ASTN2: variants seen among roughly 807,000 people sequenced by gnomAD.
ASTN2 encodes astrotactin-2.
A neutral mutation model predicts 139.8 loss-of-function variants in ASTN2; 54 were observed. The ratio of observed to expected loss-of-function variants is 0.39; its 90% CI spans 0.31 to 0.48. The LOEUF (loss-of-function observed/expected upper bound fraction) is 0.48, where lower values mean the gene tolerates loss of function less well. Ranked by LOEUF, ASTN2 falls within the 20% of genes least tolerant of loss-of-function variation. The pLI, the probability that ASTN2 is intolerant of heterozygous loss-of-function variation, is 0.95. For missense variants in ASTN2, 1,565 were observed against 1,725.1 expected, an observed-to-expected ratio of 0.91 and a Z score of 1.64; for synonymous variants, 756 against 719.5, an observed-to-expected ratio of 1.05 and a Z score of -0.81.
chr9:117,109,361 T>G (rs912768760), intron 4 of ASTN2, among the ~76,000 whole-genome samples: 4 of 134,750 alleles, frequency 3.0e-5, no homozygotes, highest in Admixed American at 2.8e-4. Context: ...TAAATAAAAA[T>G]AAATAAATAA....
chr9:117,392,566 G>A (rs540188751), intron 1 of ASTN2, among the ~76,000 whole-genome samples: 1 of 152,266 alleles, frequency 6.6e-6, no homozygotes, highest in African/African-American at 2.4e-5. Flanking sequence ...ACCTAATTGG[G>A]CATAGGCCTT....
At chr9:117,307,421 G>A (rs980894789) in intron 1 of ASTN2, among the ~76,000 whole-genome samples, 1 of 152,190 alleles carries the variant, frequency 6.6e-6, no homozygotes, top group Non-Finnish European at 1.5e-5. Flanking sequence ...GAGTATTTCT[G>A]TATGTGTGCA....
At chr9:117,136,823 A>G (rs974091776) in intron 4 of ASTN2, among the ~76,000 whole-genome samples, 1 of 152,200 alleles carries the variant, frequency 6.6e-6, no homozygotes, top group Non-Finnish European at 1.5e-5. Context: ...TGGGACAGGC[A>G]CTGGGCTAAG....
intron 19 of ASTN2, among the ~76,000 whole-genome samples, chr9:116,497,334 A>T (rs1461029552): frequency 6.6e-6 from 1 of 152,162 alleles, no homozygotes; most frequent in Non-Finnish European, 1.5e-5. Flanking sequence ...TGTTAGCCTC[A>T]CTGTTCAAAG....
chr9:117,003,953 C>CGCGCGTGTGTGTGTGTGTGTGT (rs1218309835), intron 7 of ASTN2, among the ~76,000 whole-genome samples: 6 of 146,226 alleles, frequency 4.1e-5, no homozygotes, highest in African/African-American at 1.6e-4. Flanking sequence ...CGCGCGCGCG[C>CGCGCGTGTGTGTGTGTGTGTGT]GTGTGTGTGT....
chr9:117,375,778 G>T (rs557299476), intron 1 of ASTN2, among the ~76,000 whole-genome samples: 2 of 152,256 alleles, frequency 1.3e-5, no homozygotes, highest in African/African-American at 4.8e-5. Flanking sequence ...TTGCAGGTCG[G>T]AAGTCCAAAG....
chr9:117,001,185 A>T (rs1837180912), intron 7 of ASTN2, among the ~76,000 whole-genome samples: 1 of 152,304 alleles, frequency 6.6e-6, no homozygotes, highest in Middle Eastern at 3.4e-3. Context: ...CACATCCAGA[A>T]AAGCTTTAAG....
intron 2 of ASTN2, among the ~76,000 whole-genome samples, chr9:117,237,399 T>C (rs549761820): frequency 6.6e-6 from 1 of 152,296 alleles, no homozygotes; most frequent in Admixed American, 6.5e-5. Flanking sequence ...CAGTTAGTAC[T>C]GTTCCAGGAC....
rs199889979 is a variant in ASTN2, at chr9:117,114,178, T to TAAAAA, written c.1169-18032_1169-18028dup. The stretch of plus-strand genomic sequence containing the variant: ...AATGAACATTAGTCTTTTTTTTTTT[T>TAAAAA]AAAAAAAAAGTCTATGGGATTTATC... On this transcript the variant is annotated intron_variant, in intron 4 of 22. Transcript: ENST00000313400. Among the ~76,000 whole-genome samples, 718 of 149,844 alleles carry TAAAAA rather than the reference T, an allele frequency of 4.8e-3. 1 individual carries two copies. The highest frequency in any genetic ancestry group is 6.8e-3 in the Middle Eastern group (2 of 292).
chr9:117,214,309 T>C, intron 3 of ASTN2, 49 bp downstream of exon 3: 1 of 1,532,988 alleles, frequency 6.5e-7, no homozygotes, highest in South Asian at 1.3e-5. Flanking sequence ...CCTCTTCCCA[T>C]CTTTTCAAAA....
intron 10 of ASTN2, among the ~76,000 whole-genome samples, chr9:116,957,383 T>C (rs142711661): frequency 2.9e-4 from 44 of 152,334 alleles, no homozygotes; most frequent in African/African-American, 1.1e-3. Flanking sequence ...GATATTTTAT[T>C]TATAACTCTA....
At position 116,685,626 on chromosome 9, in the gene ASTN2, C is replaced by T. The variant is rs1588195489; in HGVS notation, c.2807-33833G>A. Among the ~76,000 whole-genome samples the T allele has an allele frequency of 3.3e-5, 5 of 152,156 alleles. No individual in the cohort carries two copies. In the East Asian group the frequency reaches 9.7e-4, roughly 29 times the overall value. On this transcript the variant is annotated intron_variant, in intron 16 of 22. Coordinates refer to ENST00000313400, the MANE Select transcript of ASTN2 (RefSeq NM_001365068.1). ...GTGTAAGAGGAATTCTAATATTGTG[C>T]CAGGATATGTCAAGCTATAAGATAA...
At chr9:117,239,017 C>G (rs1564497913) in intron 2 of ASTN2, among the ~76,000 whole-genome samples, 1 of 152,160 alleles carries the variant, frequency 6.6e-6, no homozygotes, top group Non-Finnish European at 1.5e-5. Flanking sequence ...CTTTGCAGAA[C>G]TTTAGATGCA....
chr9:116,647,784 T>A (rs1857676066), intron 17 of ASTN2, among the ~76,000 whole-genome samples: 1 of 152,166 alleles, frequency 6.6e-6, no homozygotes. Flanking sequence ...TCCTCACTGA[T>A]ACAACACTAG....
chr9:117,170,371 G>A (rs761153554), intron 3 of ASTN2, among the ~76,000 whole-genome samples: 1 of 151,946 alleles, frequency 6.6e-6, no homozygotes, highest in Non-Finnish European at 1.5e-5. Flanking sequence ...ATTAATTAAT[G>A]TATTCATCCA....
rs574458933 is a variant in ASTN2 at position 117,270,350 on chromosome 9, C to A, written c.630+20976G>T. The stretch of plus-strand genomic sequence containing the variant: ...GGGTAATAGCTGCTCATTTCTCCCT[C>A]CCTCTAGTCTCTGGAAATCACCACT... On this transcript the variant is annotated intron_variant, in intron 2 of 22. Transcript: ENST00000313400. Among the ~76,000 whole-genome samples, 191 of 152,294 alleles carry A rather than the reference C, an allele frequency of 1.3e-3. 1 individual carries two copies. The highest frequency in any genetic ancestry group is 4.3e-3 in the African/African-American group (178 of 41,558).
intron 4 of ASTN2, among the ~76,000 whole-genome samples, chr9:117,110,886 A>G (rs1025719094): frequency 1.3e-5 from 2 of 152,302 alleles, no homozygotes; most frequent in East Asian, 1.9e-4. Context: ...GCCAGCAGAG[A>G]GTGAGGGAAG....
At chr9:116,730,156 GT>G (rs141699994) in intron 14 of ASTN2, among the ~76,000 whole-genome samples, 2,716 of 152,210 alleles carry the variant, frequency 0.018, 88 homozygotes, top group African/African-American at 0.062. Flanking sequence ...TATTATTACT[GT>G]TTTTATGTAT....
chr9:116,599,007 T>C (rs1183934964), intron 19 of ASTN2, among the ~76,000 whole-genome samples: 1 of 152,228 alleles, frequency 6.6e-6, no homozygotes, highest in East Asian at 1.9e-4. Flanking sequence ...AGAGAAGCTA[T>C]CCTCTGTCCC....
Sources: allele counts gnomAD v4.1 joint callset (sites outside exome capture counted in the v4.1 genomes callset), GRCh38; gene constraint gnomAD v4.1.1; transcripts MANE v1.5; gene names NCBI Gene and HGNC (gene_info 2026-07-23, HGNC 2026-07-21).